RASGRF1: variants seen among roughly 807,000 people sequenced by gnomAD.
RASGRF1 encodes the protein Ras protein specific guanine nucleotide releasing factor 1.
RASGRF1 carries 40 observed loss-of-function variants against 138.7 expected under a neutral mutation model. The ratio of observed to expected loss-of-function variants is 0.29; its 90% confidence interval spans 0.22 to 0.38. The LOEUF (loss-of-function observed/expected upper bound fraction) is 0.38, where lower values mean the gene tolerates loss of function less well. Among genes scored for constraint, RASGRF1 ranks in the 10% least tolerant of loss-of-function variants. The pLI, the probability that RASGRF1 is intolerant of heterozygous loss-of-function variation, is 1.00. For missense variants in RASGRF1, 1,108 were observed against 1,650.4 expected (o/e 0.67, Z 5.69); for synonymous variants, 614 against 663.2 (o/e 0.93, Z 1.14).
intron 3 of RASGRF1, among the ~76,000 whole-genome samples, chr15:79,051,982 T>G (rs12440502): frequency 0.12 from 17,738 of 152,142 alleles, 1,724 homozygotes; most frequent in East Asian, 0.38. Context: ...TGGAAGTAGA[T>G]TTTGCTTTGC....
In RASGRF1 at chr15:79,027,878, G is replaced by A; in HGVS notation, c.1263-19C>T. On this transcript the variant is annotated intron_variant, in intron 8 of 26. Coordinates refer to ENST00000558480, the MANE Select transcript of RASGRF1 (RefSeq NM_001145648.3). This position sits in a 1 kb window ranked among gnomAD's most constrained non-coding sequence, Gnocchi z 4.8. ...CATTATTCTGTGGGGATGGGAAACT[G>A]CACAGTCAGAGACAGGCTGCCCCTA... 2 of 1,611,432 alleles carry A rather than the reference G, an allele frequency of 1.2e-6. No homozygotes were observed. Among genetic ancestry groups the A allele is most frequent in the African/African-American group, 1.3e-5 (1 of 74,996 alleles).
At chr15:79,059,512 A>C (rs1391379084) in intron 2 of RASGRF1, among the ~76,000 whole-genome samples, 1 of 151,948 alleles carries the variant, frequency 6.6e-6, no homozygotes, top group African/African-American at 2.4e-5. Context: ...GTGAGAAGGG[A>C]ACTTGGGGAT....
intron 13 of RASGRF1, among the ~76,000 whole-genome samples, chr15:79,008,942 A>G (rs1176405696): frequency 6.6e-6 from 1 of 152,128 alleles, no homozygotes; most frequent in African/African-American, 2.4e-5. Context: ...TTCTCCCTAC[A>G]AGATAAATGA....
In RASGRF1 at chr15:78,991,870, TG is replaced by T. The variant is rs2056275631; in HGVS notation, c.3028-77del. 7 of 1,194,994 alleles carry T rather than the reference TG, an allele frequency of 5.9e-6. No homozygotes were observed. In the South Asian group the frequency reaches 7.5e-5, roughly 13 times the overall value. 74.0% of individuals were successfully genotyped at this position (1,194,994 alleles called of 1,614,324 possible). ...CCTCCTGGATTCCCAGCTGCCTCTG[TG>T]GGGGTATCTCGCCCTCGAATTGGGT... On this transcript the variant is annotated intron_variant, in intron 20 of 26. Transcript: ENST00000558480.
At position 78,980,679 on chromosome 15, in the gene RASGRF1, C is replaced by T. The variant is rs145925844; in HGVS notation, c.3435G>A (p.Lys1145=). 43 of 1,604,754 alleles carry T rather than the reference C, an allele frequency of 2.7e-5. No homozygotes were observed. The highest frequency in any genetic ancestry group is 8.4e-5 in the Admixed American group (5 of 59,874). Residue 1145 remains lysine, a synonymous_variant, in exon 24 of 27, where the codon AAG becomes AAA. Coordinates refer to ENST00000558480, the MANE Select transcript of RASGRF1 (RefSeq NM_001145648.3). ...VSKQTKALID[K]LQKLVSSEGR... ...CCTCAGATGACACAAGCTTTTGGAG[C>T]TTATCAATCAAAGCTTTAGTCTAGA...
At chr15:79,012,587 A>C in intron 13 of RASGRF1, 1 of 1,608,324 alleles carries the variant, frequency 6.2e-7, no homozygotes, top group Non-Finnish European at 8.5e-7. Flanking sequence ...TTGTAAGTTT[A>C]ATCTGGACAT....
chr15:79,035,469 C>T (rs901604323), intron 5 of RASGRF1, among the ~76,000 whole-genome samples: 1 of 152,240 alleles, frequency 6.6e-6, no homozygotes, highest in Non-Finnish European at 1.5e-5. Flanking sequence ...AGCCCAGGCT[C>T]GTCTATGCAT....
chr15:79,038,511 T>G (rs1595927656), intron 5 of RASGRF1, among the ~76,000 whole-genome samples: 1 of 152,236 alleles, frequency 6.6e-6, no homozygotes, highest in East Asian at 1.9e-4. Context: ...CTTAAAAAAA[T>G]CAAATTATTA....
intron 1 of RASGRF1, 33 bp downstream of exon 1, chr15:79,090,190 C>T (rs143444827): frequency 1.1e-5 from 17 of 1,560,038 alleles, no homozygotes; most frequent in Non-Finnish European, 1.5e-5. Context: ...GCGGCCGGGA[C>T]GCAGGGAGGT....
intron 1 of RASGRF1, among the ~76,000 whole-genome samples, chr15:79,077,026 G>T (rs1249394060): frequency 6.6e-6 from 1 of 152,200 alleles, no homozygotes. Flanking sequence ...GAAGGGGTTG[G>T]GGGGACTGGT....
At chr15:79,038,094 C>T (rs1595927277) in intron 5 of RASGRF1, among the ~76,000 whole-genome samples, 1 of 152,284 alleles carries the variant, frequency 6.6e-6, no homozygotes, top group East Asian at 1.9e-4. Context: ...CTGCTCACCT[C>T]CTGCTGTGGG....
intron 1 of RASGRF1, among the ~76,000 whole-genome samples, chr15:79,074,226 C>T (rs1266271102): frequency 6.6e-6 from 1 of 152,226 alleles, no homozygotes; most frequent in Non-Finnish European, 1.5e-5. Context: ...TTAAAGAGCA[C>T]CCTAGGTGAT....
chr15:79,064,567 A>G, intron 1 of RASGRF1, 41 bp from the exon 2 acceptor site: 4 of 1,530,888 alleles, frequency 2.6e-6, no homozygotes, highest in Non-Finnish European at 3.6e-6. Context: ...CAGAGTGTCC[A>G]TGGGACCAAC....
intron 1 of RASGRF1, among the ~76,000 whole-genome samples, chr15:79,068,629 C>G (rs758276792): frequency 6.6e-6 from 1 of 150,902 alleles, no homozygotes; most frequent in South Asian, 2.1e-4. Flanking sequence ...CACACACACA[C>G]GCTTTTATAT....
intron 10 of RASGRF1, among the ~76,000 whole-genome samples, chr15:79,023,501 C>T (rs183829025): frequency 6.6e-6 from 1 of 152,314 alleles, no homozygotes; most frequent in East Asian, 1.9e-4. Context: ...ACAGGAGATC[C>T]TGCCCAGGCC....
At chr15:79,053,131 G>A (rs570964924) in intron 3 of RASGRF1, among the ~76,000 whole-genome samples, 2 of 152,122 alleles carry the variant, frequency 1.3e-5, no homozygotes, top group African/African-American at 2.4e-5. Flanking sequence ...TGGGTGTGGT[G>A]GCGCACACCT....
At chr15:79,063,198 A>G (rs2057631446) in intron 2 of RASGRF1, among the ~76,000 whole-genome samples, 1 of 152,198 alleles carries the variant, frequency 6.6e-6, no homozygotes, top group Non-Finnish European at 1.5e-5. Flanking sequence ...CCCTGGGGGA[A>G]TACTTATGTT....
intron 13 of RASGRF1, among the ~76,000 whole-genome samples, chr15:79,008,020 C>G (rs1386440781): frequency 6.6e-6 from 1 of 151,118 alleles, no homozygotes; most frequent in Non-Finnish European, 1.5e-5. Flanking sequence ...TTTTTGTATT[C>G]TTAGTAGAGA....
chr15:79,002,801 G>A (rs1595889840), intron 15 of RASGRF1, among the ~76,000 whole-genome samples: 1 of 152,182 alleles, frequency 6.6e-6, no homozygotes, highest in Admixed American at 6.5e-5. Flanking sequence ...GATTTATCTT[G>A]CCCCAGCTGT....
Sources: gnomAD v4.1 joint callset for allele counts (sites outside exome capture counted in the v4.1 genomes callset) on GRCh38, gnomAD v4.1.1 for gene constraint, Gnocchi (gnomAD v3.1) non-coding constraint, MANE v1.5 for transcripts, NCBI Gene and HGNC (gene_info 2026-07-23, HGNC 2026-07-21) for gene names.